The following LSM4 variants were observed in gnomAD, a reference collection of about 807,000 sequenced individuals.
LSM4 encodes the protein LSM4 homolog, U6 small nuclear RNA and mRNA degradation associated.
Under a neutral mutation model 22.3 loss-of-function variants are expected in LSM4, and 15 were observed. The observed-to-expected ratio is 0.67, with a 90% confidence interval of 0.45 to 1.03. The LOEUF is 1.03. Among genes scored for constraint, LSM4 ranks in the 50% least tolerant of loss-of-function variants. LSM4 has a pLI of 0.00. For synonymous variants in LSM4, 90 were observed against 79.8 expected (o/e 1.13, Z -0.68); for missense variants, 127 against 198.0 (o/e 0.64, Z 2.15).
rs181725157 is a variant in LSM4 at position 18,316,294 on chromosome 19, G to A, written c.4-229C>T. ...AGCCTCACACACCCTCCCTACTCCC[G>A]TAGGTGGCCACCACCTGCTCTTGGT... On this transcript the variant is annotated intron_variant, in intron 1 of 4. Coordinates refer to ENST00000593829, the MANE Select transcript of LSM4 (RefSeq NM_012321.5). The A allele has an allele frequency of 4.6e-3, 1,947 of 423,878 alleles. 5 individuals are homozygous for A. The highest frequency in any genetic ancestry group is 0.012 in the Middle Eastern group (19 of 1,528). 26.3% of individuals were successfully genotyped at this position (423,878 alleles called of 1,614,324 possible).
Position 18,312,784 on chromosome 19 carries a change from G to C in LSM4, c.46-82C>G, listed in dbSNP as rs372093763. ...CCCTCAGGAGGTGTAGCTCTGCCCTGAGATGGACCACCACCTCCGGGCCTC... is the reference window on the plus strand; with the variant it reads ...CCCTCAGGAGGTGTAGCTCTGCCCTCAGATGGACCACCACCTCCGGGCCTC... On this transcript the variant is annotated intron_variant, in intron 2 of 4. Coordinates refer to ENST00000593829, the MANE Select transcript of LSM4 (RefSeq NM_012321.5). The C allele has an allele frequency of 1.8e-5, 19 of 1,045,598 alleles. No individual in the cohort carries two copies. In the African/African-American group the frequency reaches 3.0e-4, roughly 16 times the overall value. 64.8% of individuals were successfully genotyped at this position (1,045,598 alleles called of 1,614,324 possible).
intron 3 of LSM4, among the ~76,000 whole-genome samples, chr19:18,311,156 G>A (rs770070390): frequency 3.9e-5 from 6 of 152,088 alleles, no homozygotes; most frequent in African/African-American, 9.7e-5. Context: ...GTGACTTGGC[G>A]CCCAGCTCTC....
chr19:18,311,225 C>T (rs975742562), intron 3 of LSM4, among the ~76,000 whole-genome samples: 4 of 152,156 alleles, frequency 2.6e-5, no homozygotes, highest in Non-Finnish European at 5.9e-5. Context: ...GAGCTCACTG[C>T]AGGGAGGCCC....
intron 1 of LSM4, among the ~76,000 whole-genome samples, chr19:18,322,316 G>C (rs1448786090): frequency 1.3e-5 from 2 of 152,200 alleles, no homozygotes; most frequent in Admixed American, 6.5e-5. Flanking sequence ...GATCTGCACA[G>C]TGGGGGACAC....
At chr19:18,314,878 T>C (rs574098641) in intron 2 of LSM4, among the ~76,000 whole-genome samples, 8 of 144,278 alleles carry the variant, frequency 5.5e-5, no homozygotes, top group African/African-American at 2.0e-4. Context: ...GAAGTGTTAG[T>C]ATGTAATATT....
rs750013273 is a variant in LSM4 at position 18,309,680 on chromosome 19, C to T, written c.326G>A (p.Arg109Gln). 2.5e-6 allele frequency: 4 copies of T among 1,597,510 alleles called. No homozygotes were observed. Among genetic ancestry groups the T allele is most frequent in the African/African-American group, 2.7e-5 (2 of 73,934 alleles). The stretch of plus-strand genomic sequence containing the variant: ...TCCACTGGAGAGGGGAGACCCACCT[C>T]GGCCAGCGCCGCCCATGCCGCGGCC... ...QKGRGMGGAGRGVFGGRGRGG... is the reference protein window; with the variant it reads ...QKGRGMGGAGQGVFGGRGRGG... The change falls in exon 4 of 5, where the codon CGA (arginine) becomes CAA (glutamine). Residue 109 changes from arginine (R) to glutamine (Q), a missense_variant and splice_region_variant. Arg to Gln is a conservative substitution (Grantham distance 43, BLOSUM62 1). Coordinates refer to ENST00000593829, the MANE Select transcript of LSM4 (RefSeq NM_012321.5).
intron 1 of LSM4, among the ~76,000 whole-genome samples, chr19:18,319,113 G>A (rs977230716): frequency 2.0e-5 from 3 of 151,898 alleles, no homozygotes; most frequent in Non-Finnish European, 4.4e-5. Context: ...GTGGTGGTAG[G>A]CAACTGTAAT....
chr19:18,319,641 G>C (rs537949368), intron 1 of LSM4, among the ~76,000 whole-genome samples: 82 of 152,328 alleles, frequency 5.4e-4, no homozygotes, highest in African/African-American at 1.9e-3. Flanking sequence ...GCCCGCTATA[G>C]AGTCAAGGCA....
chr19:18,309,900 G>A (rs767857676), intron 3 of LSM4, 39 bp from the exon 4 acceptor site: 4 of 1,598,156 alleles, frequency 2.5e-6, no homozygotes, highest in South Asian at 1.1e-5. Context: ...TTACCACCGG[G>A]CCGTCTGGCC....
At chr19:18,322,083 C>T (rs79220153) in intron 1 of LSM4, among the ~76,000 whole-genome samples, 3,840 of 152,274 alleles carry the variant, frequency 0.025, 73 homozygotes, top group East Asian at 0.058. Context: ...AAGGTGAACC[C>T]ATTGGGTGGT....
intron 3 of LSM4, 87 bp from the exon 4 acceptor site, chr19:18,309,948 C>T (rs2148138160): frequency 7.7e-7 from 1 of 1,303,152 alleles, no homozygotes; most frequent in Non-Finnish European, 1.1e-6. Context: ...AGATCCTGCC[C>T]AGCCTGCACC....
rs140603152 is a variant in LSM4, at chr19:18,306,328, C to T, written c.*1136G>A. The T allele has an allele frequency of 2.0e-5, 3 of 152,238 alleles. No individual in the cohort carries two copies. Among genetic ancestry groups the T allele is most frequent in the African/African-American group, 7.2e-5 (3 of 41,440 alleles). 9.4% of individuals were successfully genotyped at this position (152,238 alleles called of 1,614,324 possible). A position where few individuals can be genotyped will look rare whatever the true frequency, so the allele number is the denominator to read the frequency against. ...GAGAAGGCTATGCAGGGGGACGGGCCGCTGCCTGGCTCAGGGCTTCCCTCT... is the reference window on the plus strand; with the variant it reads ...GAGAAGGCTATGCAGGGGGACGGGCTGCTGCCTGGCTCAGGGCTTCCCTCT... On this transcript the variant is annotated 3_prime_UTR_variant, in exon 5 of 5. Coordinates refer to ENST00000593829, the MANE Select transcript of LSM4 (RefSeq NM_012321.5).
rs1257463604 is a variant in LSM4, at chr19:18,307,364, T to C, written c.*100A>G. ...CACAAAACACGAAGGGGGTTCCCCC[T>C]GGCGCCTGCCTCTTCCTTTCTGAGC... On this transcript the variant is annotated 3_prime_UTR_variant, in exon 5 of 5. Coordinates refer to ENST00000593829, the MANE Select transcript of LSM4 (RefSeq NM_012321.5). 8.2e-6 allele frequency: 8 copies of C among 980,458 alleles called. No individual in the cohort carries two copies. The highest frequency in any genetic ancestry group is 1.1e-5 in the Non-Finnish European group (8 of 738,494). 60.7% of individuals were successfully genotyped at this position (980,458 alleles called of 1,614,324 possible).
At chr19:18,315,403 A>G (rs888565655) in intron 2 of LSM4, among the ~76,000 whole-genome samples, 11 of 151,744 alleles carry the variant, frequency 7.2e-5, no homozygotes, top group African/African-American at 2.7e-4. Flanking sequence ...CTCTAGCCTC[A>G]GCCTCCCAAA....
intron 3 of LSM4, among the ~76,000 whole-genome samples, chr19:18,310,647 C>T (rs1238862663): frequency 3.9e-5 from 6 of 152,178 alleles, no homozygotes; most frequent in Admixed American, 6.5e-5. Context: ...CCCGCCCCAC[C>T]GCCCAGGTTC....
Position 18,307,360 on chromosome 19 carries a change from C to G in LSM4, c.*104G>C. The G allele has an allele frequency of 1.1e-6, 1 of 914,774 alleles. No homozygotes were observed. Among genetic ancestry groups the G allele is most frequent in the Non-Finnish European group, 1.5e-6 (1 of 679,210 alleles). The allele number at this position is 914,774 out of a possible 1,614,324, so 56.7% of individuals were successfully genotyped here. On this transcript the variant is annotated 3_prime_UTR_variant, in exon 5 of 5. Transcript: ENST00000593829. ...GGGTCACAAAACACGAAGGGGGTTC[C>G]CCCTGGCGCCTGCCTCTTCCTTTCT... is the stretch of plus-strand genomic sequence containing the variant.
At chr19:18,308,753 C>T (rs1970261727) in intron 4 of LSM4, among the ~76,000 whole-genome samples, 1 of 152,236 alleles carries the variant, frequency 6.6e-6, no homozygotes, top group South Asian at 2.1e-4. Context: ...CAGGGGCCAC[C>T]AGGCCCTGTG....
intron 1 of LSM4, among the ~76,000 whole-genome samples, chr19:18,319,873 TG>T (rs1308883137): frequency 2.0e-5 from 3 of 152,228 alleles, no homozygotes; most frequent in Admixed American, 2.0e-4. Flanking sequence ...CTCGCTAGAC[TG>T]GAACACTCAA....
rs1970355551 is a variant in LSM4, at chr19:18,316,243, C to T, written c.4-178G>A. 1.5e-5 allele frequency: 8 copies of T among 529,768 alleles called. No individual in the cohort carries two copies. In the South Asian group the frequency reaches 2.0e-4, roughly 13 times the overall value. 32.8% of individuals were successfully genotyped at this position (529,768 alleles called of 1,614,324 possible). On this transcript the variant is annotated intron_variant, in intron 1 of 4. Coordinates refer to ENST00000593829, the MANE Select transcript of LSM4 (RefSeq NM_012321.5). Reference sequence around the variant, plus strand: ...TCACTCTGCCCAGCCCTGGAACACACACCTGCCTCTCAGATTAGGAAGAAA... The same window carrying T: ...TCACTCTGCCCAGCCCTGGAACACATACCTGCCTCTCAGATTAGGAAGAAA...
Sources: gnomAD v4.1 joint callset for allele counts (sites outside exome capture counted in the v4.1 genomes callset) on GRCh38, gnomAD v4.1.1 for gene constraint, MANE v1.5 for transcripts, NCBI Gene and HGNC (gene_info 2026-07-23, HGNC 2026-07-21) for gene names.